The following TMC5 variants were observed in gnomAD, a reference collection of about 807,000 sequenced individuals.
The protein encoded by TMC5 is transmembrane channel-like protein 5.
A neutral mutation model predicts 110.5 loss-of-function variants in TMC5; 86 were observed. That is an observed-to-expected ratio of 0.78 (90% CI 0.65 to 0.93). TMC5 has a LOEUF of 0.93. Ranked by LOEUF, TMC5 falls within the 40% of genes least tolerant of loss-of-function variation. The pLI is 0.00. For synonymous variants in TMC5, 455 were observed against 439.5 expected (o/e 1.04, Z -0.44); for missense variants, 1,144 against 1,222.8 (o/e 0.94, Z 0.96).
chr16:19,459,392 C>G (rs1267124290), intron 5 of TMC5, among the ~76,000 whole-genome samples: 1 of 152,098 alleles, frequency 6.6e-6, no homozygotes, highest in Non-Finnish European at 1.5e-5. Context: ...GGGTGTACTT[C>G]TAGGAAGGTG....
intron 16 of TMC5, 86 bp downstream of exon 16, chr16:19,487,106 C>T (rs1418935726): frequency 1.2e-6 from 2 of 1,607,138 alleles, no homozygotes; most frequent in Non-Finnish European, 1.7e-6. Context: ...GGGGGCTCTG[C>T]AAAGGTGTCA....
In TMC5 at chr16:19,449,564, A is replaced by C. The variant is rs1967700481; in HGVS notation, c.981A>C (p.Glu327Asp). Residue 327 changes from glutamate (E) to aspartate (D), a missense_variant, in exon 5 of 22, where the codon GAA becomes GAC. Coordinates refer to ENST00000542583, the MANE Select transcript of TMC5 (RefSeq NM_001261841.2). ...CAGTGAACCCTGCTTATGTAGGTGA[A>C]AGTGGTCCTGTCCATGCTTATGGAA... is the stretch of plus-strand genomic sequence containing the variant. ...SGYVNPAYVG[E>D]SGPVHAYGNP... The C allele has an allele frequency of 6.2e-7, 1 of 1,614,018 alleles. No individual in the cohort carries two copies. The highest frequency in any genetic ancestry group is 1.3e-5 in the African/African-American group (1 of 74,912).
intron 1 of TMC5, among the ~76,000 whole-genome samples, chr16:19,420,936 A>G (rs536894964): frequency 9.9e-5 from 15 of 152,160 alleles, no homozygotes; most frequent in Non-Finnish European, 2.1e-4. Flanking sequence ...CAGAGACTTG[A>G]GTTATAAATT....
At chr16:19,438,390 C>CAAA (rs60807937) in intron 2 of TMC5, among the ~76,000 whole-genome samples, 252 of 59,830 alleles carry the variant, frequency 4.2e-3, no homozygotes, top group African/African-American at 0.017. Context: ...GACACCCTGT[C>CAAA]AAAAAAAAAA....
chr16:19,479,567 C>T (rs937550653), intron 14 of TMC5, 39 bp downstream of exon 14: 1 of 1,422,932 alleles, frequency 7.0e-7, no homozygotes. Context: ...GGGCCTGATG[C>T]TGTAAACAGA....
chr16:19,481,835 T>C (rs1968626343), intron 15 of TMC5, among the ~76,000 whole-genome samples: 1 of 152,072 alleles, frequency 6.6e-6, no homozygotes, highest in Non-Finnish European at 1.5e-5. Context: ...GGTGGGGTCT[T>C]TGGGAGGTGA....
chr16:19,475,809 T>TA (rs1181698602), intron 12 of TMC5, among the ~76,000 whole-genome samples: 1 of 149,382 alleles, frequency 6.7e-6, no homozygotes, highest in Non-Finnish European at 1.5e-5. Context: ...TTTCTTTTTT[T>TA]TTTTTTTTTT....
rs969415954 is a variant in TMC5, at chr16:19,492,212, A to G, written c.2810A>G (p.His937Arg). 1 of 1,612,954 alleles carries G rather than the reference A, an allele frequency of 6.2e-7. No individual in the cohort carries two copies. Among genetic ancestry groups the G allele is most frequent in the Non-Finnish European group, 8.5e-7 (1 of 1,179,098 alleles). Residue 937 changes from histidine (H) to arginine (R), a missense_variant, in exon 19 of 22, where the codon CAT (histidine) becomes CGT (arginine). Physicochemically the swap from His to Arg is conservative, Grantham distance 29. Coordinates refer to ENST00000542583, the MANE Select transcript of TMC5 (RefSeq NM_001261841.2). ...EGRKIMIRLL[H>R]EQIINEGKDK... ...AGGAAGATTATGATAAGGCTGCTCC[A>G]TGAGCAGATCATTAATGTAAGTCCC...
intron 9 of TMC5, among the ~76,000 whole-genome samples, chr16:19,468,111 A>AT (rs1180112530): frequency 1.3e-5 from 2 of 151,970 alleles, no homozygotes; most frequent in Admixed American, 6.6e-5. Context: ...AGTAGCTGGG[A>AT]TTACAGGCTC....
Position 19,420,142 on chromosome 16 carries a change from T to G in TMC5, c.-308+2050T>G, listed in dbSNP as rs375948042. Among the ~76,000 whole-genome samples, 5 of 152,012 alleles carry G rather than the reference T, an allele frequency of 3.3e-5. No individual in the cohort carries two copies. The East Asian group carries it at 9.7e-4, about 29-fold the overall frequency. On this transcript the variant is annotated intron_variant, in intron 1 of 21. Transcript: ENST00000542583. ...ATTAATGATTAAAAATCAACTAATT[T>G]TAGGCCAGGTGTGGTGGGTCACGTC... is the stretch of plus-strand genomic sequence containing the variant.
In TMC5 at chr16:19,444,232, G is replaced by A. The variant is rs1388223984; in HGVS notation, c.940G>A (p.Ala314Thr). 6 of 1,613,698 alleles carry A rather than the reference G, an allele frequency of 3.7e-6. No homozygotes were observed. In the East Asian group the frequency reaches 1.1e-4, roughly 30 times the overall value. ...ANSYGHSLPG[A>T]PGSGYVNPAY... ...CTCATATGGCCACTCTCTGCCAGGT[G>A]CTCCTGGAAGTGGCTATGGTAAGCA... The change falls in exon 4 of 22, where the codon GCT becomes ACT. Residue 314 changes from alanine to threonine, a missense_variant. Transcript: ENST00000542583.
At chr16:19,455,061 G>A (rs142764037) in intron 5 of TMC5, among the ~76,000 whole-genome samples, 1 of 152,232 alleles carries the variant, frequency 6.6e-6, no homozygotes, top group Non-Finnish European at 1.5e-5. Flanking sequence ...CTTGATCCCA[G>A]GAGGTCAAGG....
intron 13 of TMC5, among the ~76,000 whole-genome samples, chr16:19,479,050 A>G (rs1968553332): frequency 6.6e-6 from 1 of 152,236 alleles, no homozygotes; most frequent in African/African-American, 2.4e-5. Context: ...TAAATAAGCA[A>G]AAAGAGTGAA....
intron 14 of TMC5, among the ~76,000 whole-genome samples, chr16:19,481,139 T>C (rs1258850912): frequency 6.6e-6 from 1 of 152,242 alleles, no homozygotes; most frequent in Non-Finnish European, 1.5e-5. Context: ...TAAATCACTT[T>C]AGCAGTACCC....
chr16:19,449,477 T>G (rs1967698048), intron 4 of TMC5, 65 bp from the exon 5 acceptor site: 1 of 1,353,866 alleles, frequency 7.4e-7, no homozygotes, highest in East Asian at 2.3e-5. Flanking sequence ...ATCATAACTA[T>G]TGCATGCCAG....
chr16:19,443,969 A>T, intron 3 of TMC5, 112 bp from the exon 4 acceptor site: 1 of 1,119,532 alleles, frequency 8.9e-7, no homozygotes, highest in South Asian at 1.5e-5. Context: ...AAATGGATGG[A>T]TAAATAAATG....
intron 18 of TMC5, 83 bp downstream of exon 18, chr16:19,490,651 C>G: frequency 7.2e-7 from 1 of 1,397,936 alleles, no homozygotes; most frequent in South Asian, 1.2e-5. Context: ...GGTTGGAAAG[C>G]AAATGGCTAT....
intron 18 of TMC5, 108 bp from the exon 19 acceptor site, chr16:19,492,042 G>T: frequency 1.2e-6 from 1 of 849,734 alleles, no homozygotes; most frequent in Non-Finnish European, 1.9e-6. Context: ...AACATGTTTG[G>T]GCCAAATCCA....
At chr16:19,493,467 T>TC (rs1567329417) in intron 19 of TMC5, among the ~76,000 whole-genome samples, 2 of 15,970 alleles carry the variant, frequency 1.3e-4, no homozygotes, top group African/African-American at 3.1e-4. Context: ...CTCTCTCTCT[T>TC]TTTTTTTTTT....
Sources: gnomAD v4.1 joint callset for allele counts (sites outside exome capture counted in the v4.1 genomes callset) on GRCh38, gnomAD v4.1.1 for gene constraint, MANE v1.5 for transcripts, NCBI Gene and HGNC (gene_info 2026-07-23, HGNC 2026-07-21) for gene names.